The following AGBL1 variants were observed in gnomAD, a reference collection of about 807,000 sequenced individuals.
The protein encoded by AGBL1 is cytosolic carboxypeptidase 4.
A neutral mutation model predicts 118.9 loss-of-function variants in AGBL1; 130 were observed. The ratio of observed to expected loss-of-function variants is 1.09; its 90% CI spans 0.95 to 1.26. The LOEUF is 1.26. Among genes scored for constraint, AGBL1 ranks in the 50% most tolerant of loss-of-function variants. AGBL1 has a pLI of 0.00. For missense variants in AGBL1, 1,584 were observed against 1,298.1 expected (o/e 1.22, Z -3.38); for synonymous variants, 555 against 478.9 (o/e 1.16, Z -2.08).
rs182832032 is a variant in AGBL1, at chr15:86,134,830, G to T, written c.52-7174G>T. Reference sequence around the variant, plus strand: ...GGGTTTCACCATGTTGGCCAGGATGGTCTCGATCTCCTGACCTCATGATCT... The same window carrying T: ...GGGTTTCACCATGTTGGCCAGGATGTTCTCGATCTCCTGACCTCATGATCT... On this transcript the variant is annotated intron_variant, in intron 1 of 22. Transcript: ENST00000614907. Among the ~76,000 whole-genome samples the T allele has an allele frequency of 4.6e-5, 7 of 151,852 alleles. No individual in the cohort carries two copies. The East Asian group carries it at 1.2e-3, about 25-fold the overall frequency.
At chr15:86,419,461 C>T (rs372687514) in intron 18 of AGBL1, among the ~76,000 whole-genome samples, 3 of 152,094 alleles carry the variant, frequency 2.0e-5, no homozygotes, top group South Asian at 2.1e-4. Flanking sequence ...TCTTTGCAAC[C>T]GGCAGACCAG....
chr15:86,613,716 T>C lies in AGBL1; in HGVS notation c.2994+59179T>C, dbSNP rs773930576. ...ATGTTGGTTAAAGCCCAAGCTCTGC[T>C]ACTCCAAGTAGGATCTTCAGAACAG... is the stretch of plus-strand genomic sequence containing the variant. On this transcript the variant is annotated intron_variant, in intron 21 of 22. Transcript: ENST00000614907. This position sits in a 1 kb window ranked among gnomAD's most constrained non-coding sequence, Gnocchi z 4.2. Among the ~76,000 whole-genome samples the C allele has an allele frequency of 6.6e-6, 1 of 152,320 alleles. No individual in the cohort carries two copies. The highest frequency in any genetic ancestry group is 2.4e-5 in the African/African-American group (1 of 41,578).
chr15:86,583,296 C>T (rs1362829857), intron 21 of AGBL1, among the ~76,000 whole-genome samples: 1 of 151,966 alleles, frequency 6.6e-6, no homozygotes, highest in Non-Finnish European at 1.5e-5. Flanking sequence ...AGGTATATAC[C>T]TACTTAGCAT....
At chr15:86,981,138 C>T (rs62034309) in intron 23 of AGBL1, among the ~76,000 whole-genome samples, 19,982 of 152,014 alleles carry the variant, frequency 0.13, 1,342 homozygotes, top group East Asian at 0.14. Context: ...CCACCCACCT[C>T]GGCCTCCCAA....
intron 1 of AGBL1, among the ~76,000 whole-genome samples, chr15:86,088,754 A>T (rs1053640694): frequency 1.3e-5 from 2 of 152,186 alleles, no homozygotes; most frequent in Non-Finnish European, 2.9e-5. Context: ...ATCTTTAAAG[A>T]CACTCATGGT....
chr15:86,854,695 G>C (rs903804502), intron 22 of AGBL1, among the ~76,000 whole-genome samples: 5 of 152,096 alleles, frequency 3.3e-5, no homozygotes, highest in African/African-American at 1.2e-4. Context: ...AAAGGCCATT[G>C]ATAAATGTTC....
At chr15:86,326,818 G>C (rs904027752) in intron 17 of AGBL1, among the ~76,000 whole-genome samples, 1 of 152,160 alleles carries the variant, frequency 6.6e-6, no homozygotes, top group Admixed American at 6.5e-5. Context: ...AACTGATGAA[G>C]TATCTGAAAG....
chr15:86,683,085 A>T (rs1226465752), intron 22 of AGBL1, among the ~76,000 whole-genome samples: 1 of 152,182 alleles, frequency 6.6e-6, no homozygotes, highest in African/African-American at 2.4e-5. Context: ...AAGCAGAGTA[A>T]TTAATGGTGT....
At chr15:87,019,842 G>GA (rs1016885254) in intron 24 of AGBL1, among the ~76,000 whole-genome samples, 30 of 151,264 alleles carry the variant, frequency 2.0e-4, no homozygotes, top group African/African-American at 6.5e-4. Flanking sequence ...CCTGTTTTTT[G>GA]AAAAAAATAA....
chr15:86,505,108 G>GA (rs948120622), intron 18 of AGBL1, among the ~76,000 whole-genome samples: 4 of 150,542 alleles, frequency 2.7e-5, no homozygotes, highest in Admixed American at 6.6e-5. Flanking sequence ...CACAGTTTCT[G>GA]AAAAAAAAAT....
chr15:86,883,194 AAT>A (rs1474452126), intron 22 of AGBL1, among the ~76,000 whole-genome samples: 1 of 152,238 alleles, frequency 6.6e-6, no homozygotes, highest in Non-Finnish European at 1.5e-5. Context: ...GTTATATTTA[AAT>A]AATTACATCT....
At chr15:86,545,377 T>A (rs993785886) in intron 19 of AGBL1, among the ~76,000 whole-genome samples, 2 of 152,198 alleles carry the variant, frequency 1.3e-5, no homozygotes, top group Admixed American at 6.5e-5. Flanking sequence ...TTTTGAAGGA[T>A]CTTTCCTATT....
intron 22 of AGBL1, among the ~76,000 whole-genome samples, chr15:86,890,239 GT>G (rs200647367): frequency 0.011 from 1,693 of 147,910 alleles, 38 homozygotes; most frequent in African/African-American, 0.041. Context: ...ACTTTTTAAT[GT>G]TTTTTTTCTT....
chr15:86,496,957 T>C (rs2082862385), intron 18 of AGBL1, among the ~76,000 whole-genome samples: 1 of 152,046 alleles, frequency 6.6e-6, no homozygotes, highest in Admixed American at 6.6e-5. Context: ...TGTTTTGATA[T>C]ACATATACAG....
intron 21 of AGBL1, among the ~76,000 whole-genome samples, chr15:86,600,778 C>G (rs958346616): frequency 2.0e-5 from 3 of 152,130 alleles, no homozygotes; most frequent in Non-Finnish European, 4.4e-5. Context: ...TAAGCAGTAT[C>G]AAAATCAGAG....
chr15:86,308,053 G>C (rs1459180435), intron 17 of AGBL1, among the ~76,000 whole-genome samples: 1 of 151,952 alleles, frequency 6.6e-6, no homozygotes, highest in African/African-American at 2.4e-5. Context: ...TTGCCTGTTT[G>C]GGACTTTACA....
chr15:86,454,150 C>A (rs2082232585), intron 18 of AGBL1, among the ~76,000 whole-genome samples: 1 of 152,178 alleles, frequency 6.6e-6, no homozygotes, highest in African/African-American at 2.4e-5. Context: ...ATTTCTGAAT[C>A]TTTGGACTAA....
intron 20 of AGBL1, among the ~76,000 whole-genome samples, chr15:86,547,685 G>T (rs1056503498): frequency 6.6e-6 from 1 of 152,110 alleles, no homozygotes; most frequent in African/African-American, 2.4e-5. Context: ...TAATAGCAAT[G>T]CTGTTAAAAA....
At chr15:86,381,379 A>G (rs73453490) in intron 17 of AGBL1, among the ~76,000 whole-genome samples, 3,801 of 152,202 alleles carry the variant, frequency 0.025, 128 homozygotes, top group African/African-American at 0.071. Flanking sequence ...TTTCAATTTA[A>G]TAGTTTCTTT....
Sources: allele counts gnomAD v4.1 joint callset (sites outside exome capture counted in the v4.1 genomes callset), GRCh38; gene constraint gnomAD v4.1.1; non-coding constraint Gnocchi (gnomAD v3.1); transcripts MANE v1.5; gene names NCBI Gene and HGNC (gene_info 2026-07-23, HGNC 2026-07-21).